Variants in INHBA observed in about 807,000 individuals in gnomAD.
INHBA encodes inhibin subunit beta A, also known as inhibin beta A chain.
Under a neutral mutation model 29.0 loss-of-function variants are expected in INHBA, and 1 was observed. The observed-to-expected ratio is 0.03, with a 90% CI of 0.01 to 0.16. The LOEUF (loss-of-function observed/expected upper bound fraction) is 0.16. Among genes scored for constraint, INHBA ranks in the 10% least tolerant of loss-of-function variants. The pLI is 1.00. For missense variants in INHBA, 376 were observed against 545.4 expected, an observed-to-expected ratio of 0.69 and a Z score of 3.09; for synonymous variants, 242 against 216.8, an observed-to-expected ratio of 1.12 and a Z score of -1.02.
chr7:41,696,720 T>C (rs980097803), intron 2 of INHBA, among the ~76,000 whole-genome samples: 1 of 152,078 alleles, frequency 6.6e-6, no homozygotes, highest in Non-Finnish European at 1.5e-5. Flanking sequence ...GAAGGTGGGA[T>C]TGGAATGGTG....
At chr7:41,703,336 A>G (rs1794837148), upstream of INHBA, among the ~76,000 whole-genome samples, 1 of 152,150 alleles carries the variant, frequency 6.6e-6, no homozygotes, top group Non-Finnish European at 1.5e-5. Context: ...TTTTAGAAAA[A>G]CATTGGAATC....
Position 41,689,391 on chromosome 7 carries a change from C to A in INHBA, c.*259G>T. On this transcript the variant is annotated 3_prime_UTR_variant, in exon 3 of 3. Transcript: ENST00000242208. ...GATTTCAGAAGAAATAAAGGGTACA[C>A]CATTCTCCCTTTCCCTCCCAATTCC... The A allele has an allele frequency of 2.2e-6, 1 of 453,428 alleles. No homozygotes were observed. Among genetic ancestry groups the A allele is most frequent in the South Asian group, 4.0e-5 (1 of 25,228 alleles). 28.1% of individuals were successfully genotyped at this position (453,428 alleles called of 1,614,324 possible).
At chr7:41,700,878 A>AGAGAGAG (rs1322539506) in intron 1 of INHBA, among the ~76,000 whole-genome samples, 2 of 106,900 alleles carry the variant, frequency 1.9e-5, no homozygotes, top group Admixed American at 8.6e-5. Context: ...AGAGAGAGAG[A>AGAGAGAG]AAGGATTGGC....
In INHBA at chr7:41,690,368, G is replaced by A; in HGVS notation, c.563C>T (p.Thr188Ile). ...GCCCACTTCCTCGGCCTCTTCCCCT[G>A]TGTCCAAGCTGCCCTGCGGGTGCTT... ...QQKHPQGSLDTGEEAEEVGLK... is the reference protein window; with the variant it reads ...QQKHPQGSLDIGEEAEEVGLK... The change falls in exon 3 of 3, where the codon ACA (threonine) becomes ATA (isoleucine). Residue 188 changes from threonine (T) to isoleucine (I), a missense_variant. Physicochemically the swap from Thr to Ile is moderately conservative, Grantham distance 89 (BLOSUM62 -1). This residue lies in a region of INHBA where 253 missense variants were observed against 313.4 expected (regional missense o/e 0.81). Coordinates refer to ENST00000242208, the MANE Select transcript of INHBA (RefSeq NM_002192.4). 6.2e-7 allele frequency: 1 copy of A among 1,614,096 alleles called. No homozygotes were observed. Among genetic ancestry groups the A allele is most frequent in the Non-Finnish European group, 8.5e-7 (1 of 1,180,032 alleles).
chr7:41,700,344 A>T lies in INHBA; in HGVS notation c.31T>A (p.Leu11Met). 6.7e-7 allele frequency: 1 copy of T among 1,501,678 alleles called. No individual in the cohort carries two copies. The highest frequency in any genetic ancestry group is 8.9e-7 in the Non-Finnish European group (1 of 1,125,784). The allele number at this position is 1,501,678 out of a possible 1,614,324, so 93.0% of individuals were successfully genotyped here. Residue 11 changes from leucine (L) to methionine (M), a missense_variant, in exon 2 of 3, where the codon TTG (leucine) becomes ATG (methionine). By Grantham distance (15) the Leu-to-Met change is conservative (BLOSUM62 2). Transcript: ENST00000242208. MPLLWLRGFL[L>M]ASCWIIVRSS... ...CTCACTATAATCCAGCAACTTGCCA[A>T]CAGAAATCCTCTCAGCCAAAGCAAG...
At chr7:41,704,611 AGTGTGTGTGT>A (rs60031309), upstream of INHBA, among the ~76,000 whole-genome samples, 1,924 of 101,288 alleles carry the variant, frequency 0.019, 33 homozygotes, top group Non-Finnish European at 0.027. Flanking sequence ...CACACAAAGT[AGTGTGTGTGT>A]GTGTGTGTGT....
intron 2 of INHBA, among the ~76,000 whole-genome samples, chr7:41,697,214 A>G (rs1001102699): frequency 4.6e-5 from 7 of 152,178 alleles, no homozygotes; most frequent in African/African-American, 1.7e-4. Flanking sequence ...TAAAACATTG[A>G]GGGTTTTGTG....
At chr7:41,702,883 A>G (rs1794825637) in intron 1 of INHBA, 122 bp downstream of exon 1, 1 of 152,242 alleles carries the variant, frequency 6.6e-6, no homozygotes, top group Non-Finnish European at 1.5e-5. Context: ...ACCTGCCTGA[A>G]TAATATAAAA....
At chr7:41,699,889 C>G in intron 2 of INHBA, 98 bp downstream of exon 2, 1 of 893,538 alleles carries the variant, frequency 1.1e-6, no homozygotes, top group African/African-American at 1.7e-5. Flanking sequence ...CAGTTTCCAG[C>G]TGAAGGGAAA....
Position 41,700,473 on chromosome 7 carries a change from T to TTTTA in INHBA, c.-100_-99insTAAA. The stretch of plus-strand genomic sequence containing the variant: ...TTTGTGTGTGTGGATTTTTTTATTT[T>TTTTA]TTTTTTTGGTGTTTTTTTTTTCCTT... On this transcript the variant is annotated 5_prime_UTR_variant, in exon 2 of 3. Transcript: ENST00000242208. 1 of 1,210,556 alleles carries TTTTA rather than the reference T, an allele frequency of 8.3e-7. No individual in the cohort carries two copies. The highest frequency in any genetic ancestry group is 1.1e-6 in the Non-Finnish European group (1 of 913,238). The allele number at this position is 1,210,556 out of a possible 1,614,324, so 75.0% of individuals were successfully genotyped here.
rs921099130 is a variant in INHBA at position 41,689,071 on chromosome 7, G to A, written c.*579C>T. ...CCTGCACACGATTGTTCTTTTACCA[G>A]TATGTGTATATATGTAATGTGTGGA... On this transcript the variant is annotated 3_prime_UTR_variant, in exon 3 of 3. Coordinates refer to ENST00000242208, the MANE Select transcript of INHBA (RefSeq NM_002192.4). The A allele has an allele frequency of 8.6e-6, 2 of 232,870 alleles. No individual in the cohort carries two copies. Among genetic ancestry groups the A allele is most frequent in the African/African-American group, 4.4e-5 (2 of 44,998 alleles). 14.4% of individuals were successfully genotyped at this position (232,870 alleles called of 1,614,324 possible). A position where few individuals can be genotyped will look rare whatever the true frequency, so the allele number is the denominator to read the frequency against.
Position 41,690,435 on chromosome 7 carries a change from T to A in INHBA, c.496A>T (p.Arg166Trp), listed in dbSNP as rs781179854. 6.2e-7 allele frequency: 1 copy of A among 1,614,140 alleles called. No homozygotes were observed. Among genetic ancestry groups the A allele is most frequent in the South Asian group, 1.1e-5 (1 of 91,082 alleles). ...CGGATGGTGACTTTGGTCCTGGTCCTGTTGGCCTTGGGGACTTTTAGGAAG... is the reference window on the plus strand; with the variant it reads ...CGGATGGTGACTTTGGTCCTGGTCCAGTTGGCCTTGGGGACTTTTAGGAAG... ...WLFLKVPKANRTRTKVTIRLF... is the reference protein window; with the variant it reads ...WLFLKVPKANWTRTKVTIRLF... The change falls in exon 3 of 3, where the codon AGG becomes TGG. Residue 166 changes from arginine to tryptophan, a missense_variant. By Grantham distance (101) the Arg-to-Trp change is moderately radical (BLOSUM62 -3). Transcript: ENST00000242208.
chr7:41,689,328 G>C lies in INHBA; in HGVS notation c.*322C>G. On this transcript the variant is annotated 3_prime_UTR_variant, in exon 3 of 3. Coordinates refer to ENST00000242208, the MANE Select transcript of INHBA (RefSeq NM_002192.4). ...CACAAGGGAACCTCAAGGGGGGAAA[G>C]GACAATACCCCGTTTAAACAACTGA... 1 of 296,222 alleles carries C rather than the reference G, an allele frequency of 3.4e-6. No individual in the cohort carries two copies. Among genetic ancestry groups the C allele is most frequent in the Admixed American group, 4.9e-5 (1 of 20,488 alleles). 18.3% of individuals were successfully genotyped at this position (296,222 alleles called of 1,614,324 possible). A position where few individuals can be genotyped will look rare whatever the true frequency, so the allele number is the denominator to read the frequency against.
In INHBA at chr7:41,690,176, G is replaced by T. The variant is rs1290822028; in HGVS notation, c.755C>A (p.Ala252Asp). ...CTTCTTGCCCAGGAGAACCAAGCTG[G>T]CGCCACTCTCCTGGCACTGCTCACA... is the stretch of plus-strand genomic sequence containing the variant. ...IACEQCQESG[A>D]SLVLLGKKKK... The change falls in exon 3 of 3, where the codon GCC (alanine) becomes GAC (aspartate). Residue 252 changes from alanine (A) to aspartate (D), a missense_variant. Transcript: ENST00000242208. The T allele has an allele frequency of 6.2e-7, 1 of 1,613,570 alleles. No homozygotes were observed.
chr7:41,692,481 ACT>A (rs1794545531), intron 2 of INHBA: 1 of 152,082 alleles, frequency 6.6e-6, no homozygotes, highest in African/African-American at 2.4e-5. Flanking sequence ...AATTTAACAC[ACT>A]CTGCACACTG....
intron 1 of INHBA, among the ~76,000 whole-genome samples, chr7:41,701,938 G>T (rs1471834615): frequency 6.6e-6 from 1 of 152,042 alleles, no homozygotes; most frequent in Non-Finnish European, 1.5e-5. Context: ...AGAAAAATGT[G>T]AATTTTTTAA....
intron 2 of INHBA, 133 bp from the exon 3 acceptor site, chr7:41,690,675 C>A (rs1794481915): frequency 1.7e-6 from 2 of 1,151,644 alleles, no homozygotes; most frequent in South Asian, 3.4e-5. Context: ...CAAATGACAG[C>A]CCATGGGCTG....
chr7:41,699,223 C>T (rs1794716458), intron 2 of INHBA, among the ~76,000 whole-genome samples: 1 of 152,170 alleles, frequency 6.6e-6, no homozygotes, highest in African/African-American at 2.4e-5. Context: ...AGTACTTTGT[C>T]AAGGTTGCGT....
At chr7:41,694,263 T>C (rs1015859781) in intron 2 of INHBA, among the ~76,000 whole-genome samples, 6 of 152,208 alleles carry the variant, frequency 3.9e-5, no homozygotes, top group African/African-American at 1.4e-4. Context: ...CGGAATGTCC[T>C]AGGTATGAAA....
Sources: gnomAD v4.1 joint callset for allele counts (sites outside exome capture counted in the v4.1 genomes callset) on GRCh38, gnomAD v4.1.1 for gene constraint, gnomAD v4.1.1 regional missense constraint, MANE v1.5 for transcripts, NCBI Gene and HGNC (gene_info 2026-07-23, HGNC 2026-07-21) for gene names.